DIAPH2: variants seen among roughly 807,000 people sequenced by gnomAD.
DIAPH2 encodes the protein protein diaphanous homolog 2.
Under a neutral mutation model 92.7 loss-of-function variants are expected in DIAPH2, and 35 were observed. That is an observed-to-expected ratio of 0.38 (90% CI 0.29 to 0.50). DIAPH2 has a LOEUF of 0.50. Among genes scored for constraint, DIAPH2 ranks in the 20% least tolerant of loss-of-function variants. The probability of loss-of-function intolerance (pLI) is 0.94; values close to 1 mark genes in which losing one functional copy is unlikely to be tolerated. For synonymous variants in DIAPH2, 301 were observed against 280.4 expected (o/e 1.07, Z -0.73); for missense variants, 701 against 819.5 (o/e 0.86, Z 1.77).
Position 97,575,384 on chromosome X carries a change from G to A in DIAPH2, c.3242-23869G>A, listed in dbSNP as rs139958748. Reference sequence around the variant, plus strand: ...TTCACATGGCATCCTCTCTTGGTGTGTGTTTGTCTCCAAATGTTTCCTTTT... The same window carrying A: ...TTCACATGGCATCCTCTCTTGGTGTATGTTTGTCTCCAAATGTTTCCTTTT... On this transcript the variant is annotated intron_variant, in intron 26 of 26. Coordinates refer to ENST00000324765, the MANE Select transcript of DIAPH2 (RefSeq NM_006729.5). Among the ~76,000 whole-genome samples, 878 of 112,413 alleles carry A rather than the reference G, an allele frequency of 7.8e-3. 6 individuals are homozygous for A. Among genetic ancestry groups the A allele is most frequent in the African/African-American group, 0.027 (832 of 30,918 alleles).
At chrX:97,418,643 G>A (rs1001556738) in intron 25 of DIAPH2, among the ~76,000 whole-genome samples, 1 of 111,567 alleles carries the variant, frequency 9.0e-6, no homozygotes, top group Non-Finnish European at 1.9e-5. Context: ...TATATTTTAC[G>A]GTGTTATATT....
intron 22 of DIAPH2, among the ~76,000 whole-genome samples, chrX:97,188,565 G>A (rs1291364576): frequency 1.8e-5 from 2 of 112,027 alleles, no homozygotes; most frequent in Non-Finnish European, 3.8e-5. Flanking sequence ...ATTACTAGAA[G>A]TTTGTTATAT....
At chrX:96,802,644 A>G (rs1482871902) in intron 4 of DIAPH2, among the ~76,000 whole-genome samples, 3 of 111,431 alleles carry the variant, frequency 2.7e-5, no homozygotes, top group African/African-American at 6.5e-5. Flanking sequence ...GTATTGCCAA[A>G]TGGTTTTCCA....
At chrX:96,972,207 T>G (rs2065932108) in intron 17 of DIAPH2, among the ~76,000 whole-genome samples, 1 of 111,708 alleles carries the variant, frequency 9.0e-6, no homozygotes, top group Non-Finnish European at 1.9e-5. Flanking sequence ...TTTTCACTAC[T>G]GCAAGAACAT....
At chrX:97,570,484 CAAAG>C (rs1361007710) in intron 26 of DIAPH2, among the ~76,000 whole-genome samples, 1 of 108,633 alleles carries the variant, frequency 9.2e-6, no homozygotes, top group African/African-American at 3.3e-5. Context: ...AAATGATAGA[CAAAG>C]AGAGAACAAA....
intron 26 of DIAPH2, among the ~76,000 whole-genome samples, chrX:97,557,003 G>C (rs907681479): frequency 2.7e-5 from 3 of 111,674 alleles, no homozygotes. Context: ...TGAGTTATAG[G>C]GTAAAGGATA....
chrX:97,326,192 A>T (rs1235415705), intron 23 of DIAPH2, among the ~76,000 whole-genome samples: 1 of 112,346 alleles, frequency 8.9e-6, no homozygotes, highest in African/African-American at 3.2e-5. Flanking sequence ...TCATTGACTG[A>T]AGGAACAAAA....
intron 23 of DIAPH2, among the ~76,000 whole-genome samples, chrX:97,299,688 G>A (rs762275541): frequency 4.5e-5 from 5 of 111,628 alleles, no homozygotes; most frequent in Non-Finnish European, 9.4e-5. Context: ...TAAAAATAGC[G>A]CCAAATGTCA....
chrX:96,837,006 C>T lies in DIAPH2; in HGVS notation c.448-44573C>T, dbSNP rs751933308. Among the ~76,000 whole-genome samples the T allele has an allele frequency of 3.0e-3, 328 of 107,832 alleles. 2 individuals are homozygous for T. Among genetic ancestry groups the T allele is most frequent in the Non-Finnish European group, 5.0e-3 (262 of 52,261 alleles). 93.6% of individuals were successfully genotyped at this position (107,832 alleles called of 115,157 possible). ...CCTCCCAAAGTGCTGGGATTACAGG[C>T]GTGAGCCACCGCGCCCGGCAGGTAT... On this transcript the variant is annotated intron_variant, in intron 4 of 26. Transcript: ENST00000324765.
intron 5 of DIAPH2, among the ~76,000 whole-genome samples, chrX:96,903,247 A>G (rs931918105): frequency 8.1e-5 from 9 of 111,764 alleles, no homozygotes; most frequent in East Asian, 5.6e-4. Context: ...TAATGCCTCT[A>G]TGTTTCTTCA....
At chrX:97,022,315 G>A (rs192643281) in intron 17 of DIAPH2, among the ~76,000 whole-genome samples, 70 of 112,061 alleles carry the variant, frequency 6.2e-4, no homozygotes, top group Non-Finnish European at 1.2e-3. Flanking sequence ...TTTCACTGTT[G>A]ACAGTGTGTG....
chrX:97,129,700 A>G (rs2067124839), intron 21 of DIAPH2, among the ~76,000 whole-genome samples: 1 of 111,197 alleles, frequency 9.0e-6, no homozygotes, highest in African/African-American at 3.3e-5. Context: ...GAAATGTTAA[A>G]CCATGCACAG....
chrX:97,251,943 T>C (rs1272042916), intron 23 of DIAPH2, among the ~76,000 whole-genome samples: 1 of 111,716 alleles, frequency 9.0e-6, no homozygotes, highest in Non-Finnish European at 1.9e-5. Flanking sequence ...GGTAGCGTAC[T>C]TCCAGATATT....
chrX:96,711,283 C>T (rs2063916331), intron 1 of DIAPH2, among the ~76,000 whole-genome samples: 2 of 112,040 alleles, frequency 1.8e-5, no homozygotes, highest in African/African-American at 6.5e-5. Context: ...TACTAGTTTA[C>T]ATTCCCACCA....
chrX:97,435,736 C>T (rs2070176691), intron 26 of DIAPH2, among the ~76,000 whole-genome samples: 1 of 110,163 alleles, frequency 9.1e-6, no homozygotes, highest in Admixed American at 9.7e-5. Flanking sequence ...CAAAGATAAG[C>T]TTTGGAGGAA....
chrX:97,459,413 T>C (rs748228376), intron 26 of DIAPH2, among the ~76,000 whole-genome samples: 1 of 112,418 alleles, frequency 8.9e-6, no homozygotes, highest in Admixed American at 9.4e-5. Flanking sequence ...GAAATGATAG[T>C]AGGATTTTCC....
At chrX:97,258,947 C>T (rs1284870964) in intron 23 of DIAPH2, among the ~76,000 whole-genome samples, 6 of 109,158 alleles carry the variant, frequency 5.5e-5, no homozygotes, top group Admixed American at 2.9e-4. Context: ...ATCTTCCTTC[C>T]ACTGCTCCAA....
At chrX:96,778,646 C>T (rs941367224) in intron 4 of DIAPH2, among the ~76,000 whole-genome samples, 1 of 111,698 alleles carries the variant, frequency 9.0e-6, no homozygotes, top group Non-Finnish European at 1.9e-5. Flanking sequence ...TTTCTAGAAT[C>T]TAATCAAGGA....
intron 22 of DIAPH2, among the ~76,000 whole-genome samples, chrX:97,159,598 C>T (rs1015908649): frequency 2.3e-4 from 26 of 111,428 alleles, no homozygotes; most frequent in East Asian, 1.4e-3. Context: ...GTGTGTGCCA[C>T]GAGGATTGAA....
Sources: gnomAD v4.1 joint callset for allele counts (sites outside exome capture counted in the v4.1 genomes callset) on GRCh38, gnomAD v4.1.1 for gene constraint, MANE v1.5 for transcripts, NCBI Gene and HGNC (gene_info 2026-07-23, HGNC 2026-07-21) for gene names.